SCAI: variants seen among roughly 807,000 people sequenced by gnomAD.
The protein encoded by SCAI is suppressor of cancer cell invasion, also known as protein SCAI.
In SCAI, 24 loss-of-function variants were observed where a neutral mutation model predicts 92.2. The ratio of observed to expected loss-of-function variants is 0.26; its 90% CI spans 0.19 to 0.37. SCAI has a LOEUF of 0.37. Among genes scored for constraint, SCAI ranks in the 10% least tolerant of loss-of-function variants. SCAI has a pLI of 1.00. For synonymous variants in SCAI, 261 were observed against 258.6 expected (o/e 1.01, Z -0.09); for missense variants, 450 against 736.2 (o/e 0.61, Z 4.50).
intron 2 of SCAI, among the ~76,000 whole-genome samples, chr9:125,097,903 A>G (rs1834593043): frequency 6.6e-6 from 1 of 151,756 alleles, no homozygotes; most frequent in Admixed American, 6.6e-5. Flanking sequence ...TTATATGTAT[A>G]TATTCTTACA....
chr9:125,055,830 A>G, intron 3 of SCAI, 46 bp downstream of exon 3: 3 of 1,521,054 alleles, frequency 2.0e-6, no homozygotes, highest in Non-Finnish European at 2.6e-6. Context: ...GAAAAAAAAC[A>G]AATGCAGAAC....
chr9:125,084,457 A>G (rs1834286482), intron 2 of SCAI, among the ~76,000 whole-genome samples: 1 of 152,012 alleles, frequency 6.6e-6, no homozygotes, highest in Admixed American at 6.6e-5. Flanking sequence ...GGCGCCAGCC[A>G]CCGCGCCCGG....
intron 6 of SCAI, among the ~76,000 whole-genome samples, chr9:125,022,191 ACTTTG>A (rs1832882585): frequency 6.6e-6 from 1 of 152,134 alleles, no homozygotes; most frequent in South Asian, 2.1e-4. Flanking sequence ...TTAAAAAAAC[ACTTTG>A]CTTTATCATA....
intron 16 of SCAI, 36 bp from the exon 17 acceptor site, chr9:124,971,506 T>C: frequency 6.6e-7 from 1 of 1,524,360 alleles, no homozygotes; most frequent in East Asian, 2.3e-5. Flanking sequence ...AAAAAGATGC[T>C]TAAATGGAAA....
At chr9:125,116,166 C>G (rs534733253) in intron 2 of SCAI, among the ~76,000 whole-genome samples, 34 of 151,902 alleles carry the variant, frequency 2.2e-4, no homozygotes, top group African/African-American at 6.8e-4. Flanking sequence ...GCTTGGGTGA[C>G]AGAGAGAGAC....
intron 2 of SCAI, among the ~76,000 whole-genome samples, chr9:125,068,828 T>C (rs1342851764): frequency 6.6e-6 from 1 of 152,158 alleles, no homozygotes; most frequent in Non-Finnish European, 1.5e-5. Flanking sequence ...GTTAGTGATG[T>C]TTCAAAAACA....
In SCAI at chr9:125,091,833, C is replaced by T. The variant is rs968802315; in HGVS notation, c.99-35826G>A. ...TTCACTAAAAAACAGAGGCTTGGGC[C>T]GGGCACAGTGGCTCACGCCTGTAAT... On this transcript the variant is annotated intron_variant, in intron 2 of 17. Transcript: ENST00000336505. This position sits in a 1 kb window ranked among gnomAD's most constrained non-coding sequence, Gnocchi z 4.3. 3.9e-5 allele frequency among the ~76,000 whole-genome samples: 6 copies of T among 152,108 alleles called. No individual in the cohort carries two copies. Among genetic ancestry groups the T allele is most frequent in the Admixed American group, 2.6e-4 (4 of 15,260 alleles).
rs1831105242 is a variant in SCAI at position 124,944,270 on chromosome 9, C to CCATTCTT, written c.*8530_*8536dup. ...TGATACAGTAACAAGTTAACAAAAA[C>CCATTCTT]CATTCTTCAGGAAATAGTAATAAAA... is the stretch of plus-strand genomic sequence containing the variant. On this transcript the variant is annotated 3_prime_UTR_variant, in exon 18 of 18. Transcript: ENST00000336505. 1 of 151,510 alleles carries CCATTCTT rather than the reference C, an allele frequency of 6.6e-6. No homozygotes were observed. The highest frequency in any genetic ancestry group is 6.6e-5 in the Admixed American group (1 of 15,184). The allele number at this position is 151,510 out of a possible 1,614,324, so 9.4% of individuals were successfully genotyped here. A position where few individuals can be genotyped will look rare whatever the true frequency, so the allele number is the denominator to read the frequency against.
intron 2 of SCAI, among the ~76,000 whole-genome samples, chr9:125,141,851 C>A (rs1835673355): frequency 6.6e-6 from 1 of 152,170 alleles, no homozygotes; most frequent in South Asian, 2.1e-4. Flanking sequence ...TCTTAGGGTT[C>A]TTTGAGGATT....
At chr9:124,960,371 A>G (rs1831414023) in intron 17 of SCAI, among the ~76,000 whole-genome samples, 1 of 152,208 alleles carries the variant, frequency 6.6e-6, no homozygotes, top group Non-Finnish European at 1.5e-5. Context: ...TTCAGATTAC[A>G]GACAGGAGCC....
chr9:124,979,959 A>T (rs1041694242), intron 14 of SCAI, among the ~76,000 whole-genome samples: 2 of 151,760 alleles, frequency 1.3e-5, no homozygotes, highest in African/African-American at 4.8e-5. Context: ...CTGAGGCAGG[A>T]GAATGGCATG....
chr9:125,091,238 G>C lies in SCAI; in HGVS notation c.99-35231C>G, dbSNP rs1294357594. Among the ~76,000 whole-genome samples, 5 of 152,358 alleles carry C rather than the reference G, an allele frequency of 3.3e-5. No individual in the cohort carries two copies. Among genetic ancestry groups the C allele is most frequent in the African/African-American group, 1.2e-4 (5 of 41,582 alleles). ...GGGCATGACTTCAGCCATGATTACA[G>C]ATATTTGGATTCCCTTGGTTCTTGC... On this transcript the variant is annotated intron_variant, in intron 2 of 17. Coordinates refer to ENST00000336505, the MANE Select transcript of SCAI (RefSeq NM_001144877.3). The surrounding 1 kb of genome is among the most constrained non-coding windows in gnomAD (Gnocchi z 4.3).
chr9:125,004,460 C>G (rs998184481), intron 9 of SCAI, among the ~76,000 whole-genome samples: 30 of 151,214 alleles, frequency 2.0e-4, no homozygotes, highest in African/African-American at 6.8e-4. Flanking sequence ...TCTGGAGTAG[C>G]TGGGATTACA....
intron 2 of SCAI, among the ~76,000 whole-genome samples, chr9:125,078,431 G>A (rs1474181997): frequency 6.6e-6 from 1 of 152,162 alleles, no homozygotes; most frequent in East Asian, 1.9e-4. Context: ...GGGAGGCTGA[G>A]GCAGGAGAAT....
intron 2 of SCAI, among the ~76,000 whole-genome samples, chr9:125,131,086 C>T (rs941224153): frequency 6.6e-6 from 1 of 151,562 alleles, no homozygotes; most frequent in Non-Finnish European, 1.5e-5. Flanking sequence ...AACACCACAT[C>T]CAGCTAACAA....
At chr9:125,096,176 CA>C (rs1834548064) in intron 2 of SCAI, among the ~76,000 whole-genome samples, 1 of 152,176 alleles carries the variant, frequency 6.6e-6, no homozygotes, top group South Asian at 2.1e-4. Context: ...GCCTCATAAT[CA>C]TGGCAGAAGG....
At position 125,091,215 on chromosome 9, in the gene SCAI, G is replaced by A. The variant is rs944498914; in HGVS notation, c.99-35208C>T. ...CATCCGGAACCAGACTCCCCTAGGG[G>A]CATGACTTCAGCCATGATTACAGAT... is the stretch of plus-strand genomic sequence containing the variant. On this transcript the variant is annotated intron_variant, in intron 2 of 17. Transcript: ENST00000336505. The surrounding 1 kb of genome is among the most constrained non-coding windows in gnomAD (Gnocchi z 4.3). 1.3e-5 allele frequency among the ~76,000 whole-genome samples: 2 copies of A among 152,188 alleles called. No homozygotes were observed. The highest frequency in any genetic ancestry group is 4.8e-5 in the African/African-American group (2 of 41,444).
chr9:124,996,980 A>G (rs531567655), intron 13 of SCAI, among the ~76,000 whole-genome samples: 24 of 152,138 alleles, frequency 1.6e-4, no homozygotes, highest in Non-Finnish European at 2.5e-4. Context: ...AATGATATTT[A>G]TCTTACAACT....
chr9:125,132,356 C>T (rs1308138273), intron 2 of SCAI, among the ~76,000 whole-genome samples: 1 of 152,068 alleles, frequency 6.6e-6, no homozygotes, highest in African/African-American at 2.4e-5. Context: ...TCATGACCCA[C>T]CCACCTCGGC....
Sources: allele counts gnomAD v4.1 joint callset (sites outside exome capture counted in the v4.1 genomes callset), GRCh38; gene constraint gnomAD v4.1.1; non-coding constraint Gnocchi (gnomAD v3.1); transcripts MANE v1.5; gene names NCBI Gene and HGNC (gene_info 2026-07-23, HGNC 2026-07-21).